The following ZSCAN5A variants were observed in gnomAD, a reference collection of about 807,000 sequenced individuals.
The protein encoded by ZSCAN5A is zinc finger and SCAN domain containing 5A.
ZSCAN5A carries 12 observed loss-of-function variants against 23.7 expected under a neutral mutation model. The ratio of observed to expected loss-of-function variants is 0.51; its 90% CI spans 0.32 to 0.82. The LOEUF is 0.82. ZSCAN5A is among the 40% of genes least tolerant of loss of function. The pLI is 0.03. For synonymous variants in ZSCAN5A, 257 were observed against 239.9 expected, an observed-to-expected ratio of 1.07 and a Z score of -0.66; for missense variants, 597 against 617.9, an observed-to-expected ratio of 0.97 and a Z score of 0.36.
At chr19:56,364,407 G>C (rs1568769176) in intron 1 of ZSCAN5A, among the ~76,000 whole-genome samples, 1 of 152,194 alleles carries the variant, frequency 6.6e-6, no homozygotes, top group Admixed American at 6.5e-5. Context: ...AAGAAAACAG[G>C]ATACTACTAC....
intron 2 of ZSCAN5A, among the ~76,000 whole-genome samples, chr19:56,268,513 A>G (rs1453575376): frequency 2.6e-5 from 4 of 152,168 alleles, no homozygotes; most frequent in African/African-American, 9.7e-5. Flanking sequence ...GTTACTTTTA[A>G]TATGCACAGT....
At chr19:56,229,069 T>G (rs1220996278) in intron 2 of ZSCAN5A, among the ~76,000 whole-genome samples, 1 of 152,074 alleles carries the variant, frequency 6.6e-6, no homozygotes, top group Non-Finnish European at 1.5e-5. Flanking sequence ...TAACGGTGGG[T>G]GTGAATTTTA....
chr19:56,260,429 G>T (rs2037044263), intron 2 of ZSCAN5A, among the ~76,000 whole-genome samples: 1 of 151,786 alleles, frequency 6.6e-6, no homozygotes, highest in African/African-American at 2.4e-5. Context: ...GGTCAGGCTG[G>T]TCTCGAACTC....
chr19:56,346,770 G>A (rs868212754), intron 2 of ZSCAN5A, among the ~76,000 whole-genome samples: 1 of 151,740 alleles, frequency 6.6e-6, no homozygotes, highest in South Asian at 2.1e-4. Context: ...GTGTAGTGGT[G>A]CCATCTCTGC....
At chr19:56,330,512 T>A (rs2041479595) in intron 2 of ZSCAN5A, among the ~76,000 whole-genome samples, 1 of 152,222 alleles carries the variant, frequency 6.6e-6, no homozygotes, top group Non-Finnish European at 1.5e-5. Flanking sequence ...TTTTACTTTT[T>A]AATAATAGTC....
intron 2 of ZSCAN5A, chr19:56,284,113 C>T (rs972485173): frequency 4.4e-5 from 43 of 979,214 alleles, no homozygotes; most frequent in Non-Finnish European, 5.1e-5. Flanking sequence ...ATGGCTTCGT[C>T]TTTGTGACCT....
At chr19:56,263,411 T>C (rs1437997846) in intron 2 of ZSCAN5A, 2 of 152,196 alleles carry the variant, frequency 1.3e-5, no homozygotes, top group Admixed American at 6.5e-5. Context: ...GTAAGAATCA[T>C]CTTATTCATC....
In ZSCAN5A at chr19:56,302,199, A is replaced by G. The variant is rs950917819; in HGVS notation, c.-128+11084T>C. 64 of 766,330 alleles carry G rather than the reference A, an allele frequency of 8.4e-5. 1 individual carries two copies. In the East Asian group the frequency reaches 2.0e-3, roughly 24 times the overall value. The allele number at this position is 766,330 out of a possible 1,614,324, so 47.5% of individuals were successfully genotyped here. On this transcript the variant is annotated intron_variant, in intron 2 of 5. Coordinates refer to ENST00000683990, the MANE Select transcript of ZSCAN5A (RefSeq NM_001322064.3). The stretch of plus-strand genomic sequence containing the variant: ...GAAGGAGGGTGCCTCAGAGGTGCCA[A>G]GCAGGAAGTGGTGGGAGAGCCCTTC...
chr19:56,338,132 TGTAA>T (rs757283835), intron 2 of ZSCAN5A, among the ~76,000 whole-genome samples: 33 of 152,294 alleles, frequency 2.2e-4, no homozygotes, highest in Non-Finnish European at 4.4e-4. Context: ...GGTTTGCTTC[TGTAA>T]GTAACTTGCC....
At chr19:56,266,926 C>T (rs1340665228) in intron 2 of ZSCAN5A, among the ~76,000 whole-genome samples, 1 of 152,164 alleles carries the variant, frequency 6.6e-6, no homozygotes, top group Non-Finnish European at 1.5e-5. Context: ...CTGCCTACCA[C>T]TCTAACCTCT....
chr19:56,250,476 G>A (rs193279077), intron 2 of ZSCAN5A, among the ~76,000 whole-genome samples: 7 of 152,078 alleles, frequency 4.6e-5, no homozygotes, highest in African/African-American at 9.7e-5. Flanking sequence ...TAAAATGCAG[G>A]GTCTGATTCA....
chr19:56,240,909 A>G (rs2035380857), intron 2 of ZSCAN5A, among the ~76,000 whole-genome samples: 1 of 152,094 alleles, frequency 6.6e-6, no homozygotes, highest in Non-Finnish European at 1.5e-5. Context: ...GGGTCTCGGT[A>G]TGTTGCACAG....
At chr19:56,365,282 C>T (rs1404861830) in intron 1 of ZSCAN5A, among the ~76,000 whole-genome samples, 1 of 152,194 alleles carries the variant, frequency 6.6e-6, no homozygotes, top group East Asian at 1.9e-4. Context: ...TCTCTTTAGC[C>T]GACTGCCTAT....
intron 2 of ZSCAN5A, among the ~76,000 whole-genome samples, chr19:56,228,836 A>G (rs1186299142): frequency 6.6e-6 from 1 of 152,198 alleles, no homozygotes; most frequent in Non-Finnish European, 1.5e-5. Flanking sequence ...AGAATATTGG[A>G]GTTGACATGG....
At chr19:56,302,075 T>C (rs1382327285) in intron 2 of ZSCAN5A, 2 of 1,231,652 alleles carry the variant, frequency 1.6e-6, no homozygotes, top group Non-Finnish European at 2.0e-6. Context: ...CCTCTTCGTA[T>C]CCTACAACAA....
intron 2 of ZSCAN5A, among the ~76,000 whole-genome samples, chr19:56,287,579 A>G (rs1219465586): frequency 1.3e-5 from 2 of 152,218 alleles, no homozygotes; most frequent in African/African-American, 4.8e-5. Context: ...ATAAAAAGCA[A>G]AATGTTCTTA....
intron 2 of ZSCAN5A, among the ~76,000 whole-genome samples, chr19:56,231,986 T>TC (rs1258084768): frequency 1.2e-5 from 1 of 80,098 alleles, no homozygotes; most frequent in Admixed American, 1.5e-4. Context: ...TTTCTTTCTT[T>TC]TTTTCTTTTC....
chr19:56,338,848 G>C (rs1235525098), intron 2 of ZSCAN5A, among the ~76,000 whole-genome samples: 1 of 152,228 alleles, frequency 6.6e-6, no homozygotes, highest in Non-Finnish European at 1.5e-5. Flanking sequence ...CATGACCACA[G>C]TGAAAGTTTT....
At chr19:56,239,528 A>G (rs188501799) in intron 2 of ZSCAN5A, among the ~76,000 whole-genome samples, 277 of 152,280 alleles carry the variant, frequency 1.8e-3, no homozygotes, top group South Asian at 0.012. Flanking sequence ...ACCGTCCTGG[A>G]GTGAGTGCAG....
Sources: allele counts gnomAD v4.1 joint callset (sites outside exome capture counted in the v4.1 genomes callset), GRCh38; gene constraint gnomAD v4.1.1; transcripts MANE v1.5; gene names NCBI Gene and HGNC (gene_info 2026-07-23, HGNC 2026-07-21).